FAM120B: variants seen among roughly 807,000 people sequenced by gnomAD.
FAM120B encodes the protein constitutive coactivator of peroxisome proliferator-activated receptor gamma.
Under a neutral mutation model 96.3 loss-of-function variants are expected in FAM120B, and 83 were observed. The observed-to-expected ratio is 0.86, with a 90% CI of 0.72 to 1.03. FAM120B has a LOEUF of 1.03. Ranked by LOEUF, FAM120B falls within the 50% of genes least tolerant of loss-of-function variation. FAM120B has a pLI of 0.00. For missense variants in FAM120B, 1,027 were observed against 1,121.2 expected, an observed-to-expected ratio of 0.92 and a Z score of 1.20; for synonymous variants, 407 against 402.7, an observed-to-expected ratio of 1.01 and a Z score of -0.13.
chr6:170,328,155 A>G (rs1028816121), intron 3 of FAM120B, among the ~76,000 whole-genome samples: 3 of 151,862 alleles, frequency 2.0e-5, no homozygotes, highest in African/African-American at 7.2e-5. Flanking sequence ...AAATACAAAC[A>G]CATTATACAA....
chr6:170,349,855 C>G (rs1787458640), intron 5 of FAM120B, among the ~76,000 whole-genome samples: 1 of 152,176 alleles, frequency 6.6e-6, no homozygotes, highest in Admixed American at 6.5e-5. Context: ...ACACAACCCA[C>G]AGAGAACAAA....
At chr6:170,379,327 C>T (rs1298416849) in intron 6 of FAM120B, among the ~76,000 whole-genome samples, 3 of 152,046 alleles carry the variant, frequency 2.0e-5, no homozygotes, top group African/African-American at 7.3e-5. Context: ...TGGAGAAGTC[C>T]TCATATATTG....
At chr6:170,368,556 G>A (rs1236267383) in intron 6 of FAM120B, among the ~76,000 whole-genome samples, 2 of 152,156 alleles carry the variant, frequency 1.3e-5, no homozygotes, top group East Asian at 1.9e-4. Flanking sequence ...ATGTTTTCAA[G>A]GAGATATTTA....
At chr6:170,348,028 T>C in intron 4 of FAM120B, 123 bp from the exon 5 acceptor site, 3 of 791,548 alleles carry the variant, frequency 3.8e-6, no homozygotes, top group Non-Finnish European at 5.9e-6. Flanking sequence ...CATGTTTACT[T>C]TCTAGTTCCT....
rs145657464 is a variant in FAM120B at position 170,333,924 on chromosome 6, G to A, written c.2017+3374G>A. 3.8e-3 allele frequency among the ~76,000 whole-genome samples: 578 copies of A among 152,260 alleles called. 3 individuals are homozygous for A. The highest frequency in any genetic ancestry group is 0.017 in the Middle Eastern group (5 of 294). On this transcript the variant is annotated intron_variant, in intron 4 of 10. Transcript: ENST00000476287. ...AGCTTCCATTTCCCAAACCCAGCTC[G>A]TAAAGGTCCTTGATGTGTGCATGTG...
At chr6:170,331,661 A>G (rs1786045134) in intron 4 of FAM120B, among the ~76,000 whole-genome samples, 1 of 152,250 alleles carries the variant, frequency 6.6e-6, no homozygotes, top group Admixed American at 6.5e-5. Context: ...GAAAATGACT[A>G]TTACATCTCT....
intron 9 of FAM120B, among the ~76,000 whole-genome samples, chr6:170,398,372 G>A (rs1219409985): frequency 1.3e-5 from 2 of 152,154 alleles, no homozygotes; most frequent in Admixed American, 6.5e-5. Context: ...GTAGAACTAT[G>A]TCATAACTCT....
chr6:170,356,238 A>G (rs888489300), intron 5 of FAM120B, among the ~76,000 whole-genome samples: 14 of 152,348 alleles, frequency 9.2e-5, no homozygotes, highest in Admixed American at 3.3e-4. Context: ...AAATCTCTGT[A>G]GTGCAAGTTG....
upstream of FAM120B, among the ~76,000 whole-genome samples, chr6:170,303,601 C>T (rs1176833306): frequency 3.3e-5 from 5 of 152,162 alleles, no homozygotes; most frequent in Non-Finnish European, 5.9e-5. Context: ...TTCAATTGTG[C>T]GTATAGTCTA....
intron 7 of FAM120B, among the ~76,000 whole-genome samples, chr6:170,388,773 A>G (rs1790331347): frequency 1.3e-5 from 2 of 152,226 alleles, no homozygotes; most frequent in Admixed American, 6.5e-5. Flanking sequence ...TCCTTGAACA[A>G]TGCAAGGGTT....
At chr6:170,392,369 G>A (rs749950214) in intron 8 of FAM120B, among the ~76,000 whole-genome samples, 5 of 152,026 alleles carry the variant, frequency 3.3e-5, no homozygotes, top group East Asian at 1.9e-4. Context: ...CACCACGCCC[G>A]GCTAATTTTT....
chr6:170,302,550 C>A (rs568012731), upstream of FAM120B, among the ~76,000 whole-genome samples: 503 of 152,326 alleles, frequency 3.3e-3, 1 homozygote, highest in African/African-American at 0.011. Context: ...AAAGGGTCAA[C>A]TTGTTACCAA....
intron 1 of FAM120B, among the ~76,000 whole-genome samples, chr6:170,313,481 C>T (rs1165367045): frequency 1.3e-5 from 2 of 152,198 alleles, no homozygotes; most frequent in Non-Finnish European, 2.9e-5. Flanking sequence ...TTTGTATTGT[C>T]ATACTGGGCT....
At chr6:170,361,342 C>G (rs1017983364) in intron 6 of FAM120B, among the ~76,000 whole-genome samples, 1 of 150,098 alleles carries the variant, frequency 6.7e-6, no homozygotes, top group African/African-American at 2.5e-5. Context: ...TATGTATATA[C>G]ACATTCATTT....
At chr6:170,384,866 G>A (rs1295296653) in intron 6 of FAM120B, among the ~76,000 whole-genome samples, 1 of 152,224 alleles carries the variant, frequency 6.6e-6, no homozygotes, top group Non-Finnish European at 1.5e-5. Context: ...ACTCTTCACT[G>A]TCTGGCCCCT....
At chr6:170,360,820 G>C (rs1788307952) in intron 6 of FAM120B, among the ~76,000 whole-genome samples, 1 of 152,062 alleles carries the variant, frequency 6.6e-6, no homozygotes, top group Non-Finnish European at 1.5e-5. Context: ...CTCCCCACCA[G>C]CCAAGGACTG....
chr6:170,311,840 G>T (rs1187354386), intron 1 of FAM120B, among the ~76,000 whole-genome samples: 1 of 152,146 alleles, frequency 6.6e-6, no homozygotes, highest in African/African-American at 2.4e-5. Flanking sequence ...TTACAAGTGG[G>T]TCTGTTCTTG....
chr6:170,404,657 C>T (rs1488623023), intron 10 of FAM120B, 56 bp downstream of exon 10: 2 of 1,323,176 alleles, frequency 1.5e-6, no homozygotes, highest in Non-Finnish European at 2.2e-6. Context: ...GTCTTAATAA[C>T]ATAAATCTTC....
At chr6:170,385,876 G>A (rs1247938243) in intron 6 of FAM120B, among the ~76,000 whole-genome samples, 2 of 152,202 alleles carry the variant, frequency 1.3e-5, no homozygotes, top group Non-Finnish European at 2.9e-5. Flanking sequence ...AAGCCAATCT[G>A]AAAAAGCTGC....
Sources: allele counts gnomAD v4.1 joint callset (sites outside exome capture counted in the v4.1 genomes callset), GRCh38; gene constraint gnomAD v4.1.1; transcripts MANE v1.5; gene names NCBI Gene and HGNC (gene_info 2026-07-23, HGNC 2026-07-21).